RASGEF1A: variants seen among roughly 807,000 people sequenced by gnomAD.
RASGEF1A encodes RasGEF domain family member 1A.
Under a neutral mutation model 56.4 loss-of-function variants are expected in RASGEF1A, and 18 were observed. That is an observed-to-expected ratio of 0.32 (90% CI 0.22 to 0.47). The LOEUF is 0.47. RASGEF1A is among the 20% of genes least tolerant of loss of function. The probability of loss-of-function intolerance (pLI) is 1.00; values close to 1 mark genes in which losing one functional copy is unlikely to be tolerated. For synonymous variants in RASGEF1A, 245 were observed against 242.6 expected, an observed-to-expected ratio of 1.01 and a Z score of -0.09; for missense variants, 422 against 627.1, an observed-to-expected ratio of 0.67 and a Z score of 3.49.
intron 1 of RASGEF1A, among the ~76,000 whole-genome samples, chr10:43,255,911 G>A (rs914605452): frequency 2.0e-5 from 3 of 152,172 alleles, no homozygotes; most frequent in Non-Finnish European, 4.4e-5. Flanking sequence ...GTCTAGAGTG[G>A]GGGTGCAGTG....
At chr10:43,226,271 G>A (rs1227875264) in intron 1 of RASGEF1A, among the ~76,000 whole-genome samples, 8 of 152,146 alleles carry the variant, frequency 5.3e-5, no homozygotes, top group South Asian at 4.2e-4. Context: ...GAGAAACCCC[G>A]TCTCTACTAA....
At chr10:43,265,756 G>C (rs1047951528) in intron 1 of RASGEF1A, among the ~76,000 whole-genome samples, 11 of 152,332 alleles carry the variant, frequency 7.2e-5, no homozygotes, top group African/African-American at 2.6e-4. Flanking sequence ...AGGCCCCCTA[G>C]AGCCGCTTAG....
intron 1 of RASGEF1A, among the ~76,000 whole-genome samples, chr10:43,238,107 G>A (rs1411490480): frequency 6.8e-6 from 1 of 147,890 alleles, no homozygotes; most frequent in East Asian, 2.2e-4. Flanking sequence ...GGAGGGAGGG[G>A]GGGTGCTGCA....
chr10:43,207,635 A>G (rs1449207725), intron 1 of RASGEF1A: 1 of 985,132 alleles, frequency 1.0e-6, no homozygotes, highest in Non-Finnish European at 1.2e-6. Context: ...TGCTGCCCCC[A>G]CTCCAGGACA....
Position 43,206,017 on chromosome 10 carries a change from C to T in RASGEF1A, c.100G>A (p.Gly34Ser), listed in dbSNP as rs569953656. 2.9e-5 allele frequency: 47 copies of T among 1,608,928 alleles called. No homozygotes were observed. Among genetic ancestry groups the T allele is most frequent in the Admixed American group, 2.5e-4 (15 of 59,608 alleles). The change falls in exon 2 of 13, where the codon GGC (glycine) becomes AGC (serine). Residue 34 changes from glycine to serine, a missense_variant. This residue lies in a region of RASGEF1A where 273 missense variants were observed against 339.9 expected (regional missense o/e 0.80). Transcript: ENST00000395810. ...TCTTGGAAGATGAGGTCCCCGGAGC[C>T]GCCACCGGCCCCGCCTCCACGCTCC... Reference protein sequence around the residue: ...MGERGGGAGGGSGDLIFQDGH... With the variant: ...MGERGGGAGGSSGDLIFQDGH...
chr10:43,259,426 G>A (rs925599870), intron 1 of RASGEF1A, among the ~76,000 whole-genome samples: 8 of 152,160 alleles, frequency 5.3e-5, no homozygotes, highest in Admixed American at 1.3e-4. Flanking sequence ...TCCAAGGGCC[G>A]AGCAGTGCAG....
In RASGEF1A at chr10:43,215,729, T is replaced by C. The variant is rs1455410560; in HGVS notation, c.-6-9607A>G. Reference sequence around the variant, plus strand: ...ATACACCAGGGGAAAAAAACAGGGTTCTCTGGCCCCAGAGAGCACCCCACA... The same window carrying C: ...ATACACCAGGGGAAAAAAACAGGGTCCTCTGGCCCCAGAGAGCACCCCACA... On this transcript the variant is annotated intron_variant, in intron 1 of 12. Transcript: ENST00000395810. 2.0e-5 allele frequency among the ~76,000 whole-genome samples: 3 copies of C among 152,132 alleles called. No individual in the cohort carries two copies. The East Asian group carries it at 5.8e-4, about 29-fold the overall frequency.
At chr10:43,203,699 C>T (rs915002369) in intron 2 of RASGEF1A, 56 of 1,179,754 alleles carry the variant, frequency 4.7e-5, no homozygotes, top group Non-Finnish European at 5.8e-5. Context: ...CCCCTCTCTG[C>T]CCCACGCCAC....
intron 1 of RASGEF1A, among the ~76,000 whole-genome samples, chr10:43,266,170 A>C (rs1836619328): frequency 1.3e-5 from 2 of 151,392 alleles, no homozygotes; most frequent in Non-Finnish European, 2.9e-5. Flanking sequence ...ACAGCAGGGG[A>C]CTCCCGCCCC....
At chr10:43,209,075 A>G (rs1840033008) in intron 1 of RASGEF1A, 2 of 985,310 alleles carry the variant, frequency 2.0e-6, no homozygotes, top group Non-Finnish European at 2.4e-6. Flanking sequence ...TTCGACAGGC[A>G]GCTGCAAACC....
chr10:43,265,404 A>G (rs1447210725), intron 1 of RASGEF1A, among the ~76,000 whole-genome samples: 1 of 152,210 alleles, frequency 6.6e-6, no homozygotes, highest in African/African-American at 2.4e-5. Flanking sequence ...GGATCCACAC[A>G]GCTCATGCCC....
At chr10:43,205,002 G>C (rs887474050) in intron 2 of RASGEF1A, among the ~76,000 whole-genome samples, 37 of 152,206 alleles carry the variant, frequency 2.4e-4, no homozygotes, top group African/African-American at 8.7e-4. Flanking sequence ...GGAGGAGGAG[G>C]AGGAGTGGGC....
chr10:43,248,659 T>C (rs968975806), intron 1 of RASGEF1A, among the ~76,000 whole-genome samples: 1 of 152,204 alleles, frequency 6.6e-6, no homozygotes, highest in South Asian at 2.1e-4. Flanking sequence ...CATTTTTTTT[T>C]CTTGAATGGT....
chr10:43,199,743 T>C lies in RASGEF1A; in HGVS notation c.782A>G (p.Tyr261Cys). Reference protein sequence around the residue: ...HRCRGDLTKTYSLEAYDNWFN... With the variant: ...HRCRGDLTKTCSLEAYDNWFN... ...CCAGTTGTCATAGGCCTCCAGGCTG[T>C]AGGTCTTGGTCAGGTCCCCTCGGCA... The change falls in exon 7 of 13, where the codon TAC becomes TGC. Residue 261 changes from tyrosine to cysteine, a missense_variant. Transcript: ENST00000395810. 6.2e-7 allele frequency: 1 copy of C among 1,613,670 alleles called. No individual in the cohort carries two copies. Among genetic ancestry groups the C allele is most frequent in the Non-Finnish European group, 8.5e-7 (1 of 1,180,002 alleles).
rs931891476 is a variant in RASGEF1A, at chr10:43,203,189, C to CCCA, written c.321+106_321+108dup. 4.4e-6 allele frequency: 5 copies of CCCA among 1,124,338 alleles called. No individual in the cohort carries two copies. In the African/African-American group the frequency reaches 1.0e-4, roughly 23 times the overall value. The allele number at this position is 1,124,338 out of a possible 1,614,324, so 69.6% of individuals were successfully genotyped here. A position where few individuals can be genotyped will look rare whatever the true frequency, so the allele number is the denominator to read the frequency against. On this transcript the variant is annotated intron_variant, in intron 3 of 12. Transcript: ENST00000395810. Reference sequence around the variant, plus strand: ...GCCAAGCCCCAACTCTAGCCCTGACCCCATCCCCCAGCTCTACCGTGAACC... The same window carrying CCCA: ...GCCAAGCCCCAACTCTAGCCCTGACCCCACCATCCCCCAGCTCTACCGTGAACC...
At chr10:43,221,944 C>G (rs747167220) in intron 1 of RASGEF1A, among the ~76,000 whole-genome samples, 1 of 152,222 alleles carries the variant, frequency 6.6e-6, no homozygotes, top group South Asian at 2.1e-4. Context: ...CCGTGTGGCC[C>G]GGGCACATAC....
At chr10:43,210,682 C>T (rs1189245389) in intron 1 of RASGEF1A, among the ~76,000 whole-genome samples, 2 of 152,250 alleles carry the variant, frequency 1.3e-5, no homozygotes, top group Non-Finnish European at 2.9e-5. Context: ...CCTGGCTGCA[C>T]CAGACCCATC....
At chr10:43,232,143 C>G (rs1840378116) in intron 1 of RASGEF1A, among the ~76,000 whole-genome samples, 1 of 152,198 alleles carries the variant, frequency 6.6e-6, no homozygotes, top group Admixed American at 6.5e-5. Flanking sequence ...TGTCCCCACC[C>G]AAATCTCATG....
At chr10:43,200,549 G>A in intron 5 of RASGEF1A, 118 bp downstream of exon 5, 1 of 930,714 alleles carries the variant, frequency 1.1e-6, no homozygotes, top group East Asian at 2.6e-5. Context: ...AGTCAGGGCT[G>A]GCAAGCGCAC....
Sources: allele counts gnomAD v4.1 joint callset (sites outside exome capture counted in the v4.1 genomes callset), GRCh38; gene constraint gnomAD v4.1.1; regional missense constraint gnomAD v4.1.1; transcripts MANE v1.5; gene names NCBI Gene and HGNC (gene_info 2026-07-23, HGNC 2026-07-21).